The following CNTNAP2 variants were observed in gnomAD, a reference collection of about 807,000 sequenced individuals.
CNTNAP2 encodes contactin-associated protein-like 2.
A neutral mutation model predicts 155.2 loss-of-function variants in CNTNAP2; 98 were observed. The observed-to-expected ratio is 0.63, with a 90% confidence interval of 0.54 to 0.75. CNTNAP2 has a LOEUF of 0.75. Ranked by LOEUF, CNTNAP2 falls within the 30% of genes least tolerant of loss-of-function variation. The probability of loss-of-function intolerance (pLI) is 0.00; values close to 1 mark genes in which losing one functional copy is unlikely to be tolerated. For missense variants in CNTNAP2, 1,727 were observed against 1,688.1 expected (o/e 1.02, Z -0.40); for synonymous variants, 651 against 631.2 (o/e 1.03, Z -0.47).
At chr7:146,168,790 T>C (rs1195302101) in intron 1 of CNTNAP2, among the ~76,000 whole-genome samples, 1 of 152,208 alleles carries the variant, frequency 6.6e-6, no homozygotes, top group East Asian at 1.9e-4. Flanking sequence ...CTATTTTCAA[T>C]GTGGCAACCA....
intron 3 of CNTNAP2, among the ~76,000 whole-genome samples, chr7:146,968,149 A>T (rs540041622): frequency 0.017 from 2,519 of 151,342 alleles, 65 homozygotes; most frequent in African/African-American, 0.056. Context: ...CTTGCATCCC[A>T]GGGATGAAGC....
At chr7:146,164,457 A>G (rs570408616) in intron 1 of CNTNAP2, among the ~76,000 whole-genome samples, 1 of 152,270 alleles carries the variant, frequency 6.6e-6, no homozygotes, top group East Asian at 1.9e-4. Flanking sequence ...TATGTTATGG[A>G]CCAGCCTTCT....
chr7:146,947,568 TATATATAC>T (rs1264791974), intron 3 of CNTNAP2, among the ~76,000 whole-genome samples: 122 of 25,668 alleles, frequency 4.8e-3, no homozygotes, highest in African/African-American at 8.3e-3. Flanking sequence ...TATATATATA[TATATATAC>T]ATATATATAT....
rs1026995826 is a variant in CNTNAP2, at chr7:146,719,944, T to C, written c.98-54327T>C. ...GCAGAAAGACCTGCAGAGACCCAAA[T>C]GTTGAAGCATTGAAAGAGCTGAATA... On this transcript the variant is annotated intron_variant, in intron 1 of 23. Coordinates refer to ENST00000361727, the MANE Select transcript of CNTNAP2 (RefSeq NM_014141.6). 5.3e-5 allele frequency among the ~76,000 whole-genome samples: 8 copies of C among 152,080 alleles called. No individual in the cohort carries two copies. The South Asian group carries it at 1.2e-3, about 24-fold the overall frequency.
intron 21 of CNTNAP2, among the ~76,000 whole-genome samples, chr7:148,354,901 A>C (rs7779622): frequency 0.28 from 42,283 of 151,778 alleles, 6,447 homozygotes; most frequent in African/African-American, 0.4. Flanking sequence ...GCTCTGGCCA[A>C]CATGGAGATC....
chr7:146,134,932 A>C (rs557196674), intron 1 of CNTNAP2, among the ~76,000 whole-genome samples: 387 of 151,686 alleles, frequency 2.6e-3, no homozygotes, highest in Non-Finnish European at 4.4e-3. Flanking sequence ...TCATAAAATG[A>C]GTTAGGGAGG....
chr7:147,975,360 A>G (rs1238362105), intron 14 of CNTNAP2, among the ~76,000 whole-genome samples: 1 of 152,102 alleles, frequency 6.6e-6, no homozygotes, highest in Non-Finnish European at 1.5e-5. Flanking sequence ...GTTCTAAATC[A>G]TTATGTGGGT....
intron 3 of CNTNAP2, among the ~76,000 whole-genome samples, chr7:146,974,427 A>T (rs1198130530): frequency 6.6e-6 from 1 of 150,760 alleles, no homozygotes; most frequent in East Asian, 1.9e-4. Flanking sequence ...GACAAGAGCA[A>T]AACTCCGTCT....
At chr7:146,594,124 C>T (rs541102919) in intron 1 of CNTNAP2, among the ~76,000 whole-genome samples, 1 of 152,286 alleles carries the variant, frequency 6.6e-6, no homozygotes, top group South Asian at 2.1e-4. Context: ...CACTGACTCA[C>T]ATCGTGCTTT....
intron 9 of CNTNAP2, among the ~76,000 whole-genome samples, chr7:147,329,534 G>A (rs1367332584): frequency 6.6e-6 from 1 of 152,076 alleles, no homozygotes; most frequent in Non-Finnish European, 1.5e-5. Flanking sequence ...TGTAACATAA[G>A]ATACGATTGC....
intron 8 of CNTNAP2, among the ~76,000 whole-genome samples, chr7:147,152,022 A>G (rs752253825): frequency 5.3e-5 from 8 of 152,144 alleles, no homozygotes; most frequent in Non-Finnish European, 8.8e-5. Context: ...TACTTTACCA[A>G]TGGAAAATGG....
intron 1 of CNTNAP2, among the ~76,000 whole-genome samples, chr7:146,393,039 C>T (rs1795567794): frequency 6.6e-6 from 1 of 152,094 alleles, no homozygotes; most frequent in Non-Finnish European, 1.5e-5. Flanking sequence ...TCACAGCCTC[C>T]GAATGACAGA....
At chr7:147,166,197 A>G (rs1009439390) in intron 8 of CNTNAP2, among the ~76,000 whole-genome samples, 1 of 152,126 alleles carries the variant, frequency 6.6e-6, no homozygotes, top group African/African-American at 2.4e-5. Context: ...TAGGTATGGA[A>G]TATACACTCA....
At chr7:147,750,779 C>T (rs118104542) in intron 13 of CNTNAP2, among the ~76,000 whole-genome samples, 1,671 of 152,282 alleles carry the variant, frequency 0.011, 96 homozygotes, top group Admixed American at 0.087. Flanking sequence ...CGGCTCATGC[C>T]TGTAATCCTG....
intron 9 of CNTNAP2, among the ~76,000 whole-genome samples, chr7:147,350,608 A>T (rs1267301998): frequency 6.6e-6 from 1 of 151,760 alleles, no homozygotes; most frequent in Non-Finnish European, 1.5e-5. Flanking sequence ...TTTTCCTGAC[A>T]TTTGTGAAGT....
intron 1 of CNTNAP2, among the ~76,000 whole-genome samples, chr7:146,310,559 A>G (rs934886869): frequency 6.6e-6 from 1 of 151,880 alleles, no homozygotes; most frequent in Non-Finnish European, 1.5e-5. Flanking sequence ...GGCTATTTTG[A>G]TGCCTTTTAA....
intron 15 of CNTNAP2, among the ~76,000 whole-genome samples, chr7:148,014,672 C>T (rs1303602702): frequency 6.6e-6 from 1 of 152,112 alleles, no homozygotes; most frequent in African/African-American, 2.4e-5. Flanking sequence ...ATAAAGAGCT[C>T]GAAGAATGAA....
Position 146,714,137 on chromosome 7 carries a change from C to A in CNTNAP2, c.98-60134C>A, listed in dbSNP as rs73740811. ...CTCATATAGAAACTCCACATGAAAG[C>A]CTTCCGTGACGCATGATCATGGCTA... On this transcript the variant is annotated intron_variant, in intron 1 of 23. Coordinates refer to ENST00000361727, the MANE Select transcript of CNTNAP2 (RefSeq NM_014141.6). Among the ~76,000 whole-genome samples, 120 of 152,222 alleles carry A rather than the reference C, an allele frequency of 7.9e-4. 1 individual carries two copies. Among genetic ancestry groups the A allele is most frequent in the African/African-American group, 2.6e-3 (108 of 41,544 alleles).
intron 2 of CNTNAP2, among the ~76,000 whole-genome samples, chr7:146,839,356 A>G (rs1461555980): frequency 6.6e-6 from 1 of 152,148 alleles, no homozygotes; most frequent in African/African-American, 2.4e-5. Context: ...AAAAAATTGG[A>G]TAGTTACATA....
Sources: allele counts gnomAD v4.1 joint callset (sites outside exome capture counted in the v4.1 genomes callset), GRCh38; gene constraint gnomAD v4.1.1; transcripts MANE v1.5; gene names NCBI Gene and HGNC (gene_info 2026-07-23, HGNC 2026-07-21).